The following GFRAL variants were observed in gnomAD, a reference collection of about 807,000 sequenced individuals.
GFRAL encodes the protein GDNF family receptor alpha-like.
A neutral mutation model predicts 45.4 loss-of-function variants in GFRAL; 36 were observed. The observed-to-expected ratio is 0.79, with a 90% CI of 0.61 to 1.05. GFRAL has a LOEUF of 1.05. GFRAL is among the 50% of genes least tolerant of loss of function. GFRAL has a pLI of 0.00. For synonymous variants in GFRAL, 166 were observed against 154.1 expected (o/e 1.08, Z -0.57); for missense variants, 507 against 467.5 (o/e 1.08, Z -0.78).
intron 6 of GFRAL, among the ~76,000 whole-genome samples, chr6:55,368,409 A>G (rs1768397393): frequency 6.6e-6 from 1 of 151,758 alleles, no homozygotes; most frequent in Non-Finnish European, 1.5e-5. Flanking sequence ...AGCTCAGAGT[A>G]ATTTGATCGT....
At chr6:55,380,308 A>G (rs1173188918) in intron 6 of GFRAL, among the ~76,000 whole-genome samples, 1 of 151,984 alleles carries the variant, frequency 6.6e-6, no homozygotes, top group African/African-American at 2.4e-5. Flanking sequence ...TATTAGTAAC[A>G]ATCTTTCCAC....
chr6:55,381,583 G>A (rs1768608350), intron 6 of GFRAL, among the ~76,000 whole-genome samples: 2 of 151,836 alleles, frequency 1.3e-5, no homozygotes, highest in Admixed American at 1.3e-4. Context: ...TTTATATATG[G>A]AGGTGCATGA....
chr6:55,342,860 A>T (rs1431415210), intron 3 of GFRAL, among the ~76,000 whole-genome samples: 7 of 152,182 alleles, frequency 4.6e-5, no homozygotes, highest in African/African-American at 1.4e-4. Flanking sequence ...AAACAAAAAA[A>T]GGCAGGGGTT....
intron 3 of GFRAL, among the ~76,000 whole-genome samples, chr6:55,336,399 A>T (rs554080965): frequency 6.6e-6 from 1 of 152,210 alleles, no homozygotes; most frequent in African/African-American, 2.4e-5. Context: ...TCATTTATTT[A>T]TAACTTCATT....
intron 3 of GFRAL, among the ~76,000 whole-genome samples, chr6:55,336,319 G>T (rs114091067): frequency 0.013 from 1,988 of 152,316 alleles, 23 homozygotes; most frequent in Non-Finnish European, 0.022. Context: ...CATTTTGACT[G>T]AACTTACCTT....
intron 1 of GFRAL, among the ~76,000 whole-genome samples, chr6:55,328,745 AT>A (rs1048508797): frequency 7.2e-5 from 11 of 152,002 alleles, no homozygotes; most frequent in African/African-American, 2.7e-4. Flanking sequence ...ATGGCCTCTT[AT>A]TTTCATCTTT....
intron 4 of GFRAL, among the ~76,000 whole-genome samples, chr6:55,350,557 G>C (rs1050242987): frequency 6.6e-6 from 1 of 151,702 alleles, no homozygotes; most frequent in Admixed American, 6.6e-5. Context: ...AAAACTTAGC[G>C]GGTCATGTAG....
At chr6:55,359,336 C>T (rs1046005989) in intron 6 of GFRAL, among the ~76,000 whole-genome samples, 198 bp downstream of exon 6, 3 of 151,322 alleles carry the variant, frequency 2.0e-5, no homozygotes, top group Non-Finnish European at 4.4e-5. Context: ...GAAAATAGTA[C>T]ATTTTAAAAA....
Position 55,335,737 on chromosome 6 carries a change from C to G in GFRAL, c.316+1793C>G, listed in dbSNP as rs569053967. Among the ~76,000 whole-genome samples the G allele has an allele frequency of 2.6e-5, 4 of 152,182 alleles. No homozygotes were observed. The South Asian group carries it at 8.3e-4, about 32-fold the overall frequency. ...GTCATTTGGCCATATGTTGGTGGCT[C>G]TATTTCTAGACTTTCTATTCTGTTC... On this transcript the variant is annotated intron_variant, in intron 3 of 8. Transcript: ENST00000340465.
At chr6:55,397,744 G>T (rs1768846091) in intron 6 of GFRAL, among the ~76,000 whole-genome samples, 1 of 152,090 alleles carries the variant, frequency 6.6e-6, no homozygotes, top group South Asian at 2.1e-4. Context: ...CCAATAAGCT[G>T]TCTTCTGAAT....
Position 55,399,282 on chromosome 6 carries a change from T to G in GFRAL, c.1048+7T>G. 6.4e-7 allele frequency: 1 copy of G among 1,561,316 alleles called. No homozygotes were observed. The highest frequency in any genetic ancestry group is 8.8e-7 in the Non-Finnish European group (1 of 1,136,824). Reference sequence around the variant, plus strand: ...TTTCATTCCCCCTTCAATGGTCAGTTAAAAATCAATCCTCTATAATATTTA... The same window carrying G: ...TTTCATTCCCCCTTCAATGGTCAGTGAAAAATCAATCCTCTATAATATTTA... On this transcript the variant is annotated splice_region_variant and intron_variant, in intron 7 of 8. Coordinates refer to ENST00000340465, the MANE Select transcript of GFRAL (RefSeq NM_207410.2).
chr6:55,332,264 A>G (rs898100986), intron 2 of GFRAL, among the ~76,000 whole-genome samples: 1 of 152,198 alleles, frequency 6.6e-6, no homozygotes, highest in Admixed American at 6.5e-5. Flanking sequence ...TACAATGTAT[A>G]TTCTTGAAAC....
At position 55,331,781 on chromosome 6, in the gene GFRAL, A is replaced by T; in HGVS notation, c.89A>T (p.Gln30Leu). The T allele has an allele frequency of 6.2e-7, 1 of 1,611,720 alleles. No homozygotes were observed. The highest frequency in any genetic ancestry group is 8.5e-7 in the Non-Finnish European group (1 of 1,178,772). Residue 30 changes from glutamine (Q) to leucine (L), a missense_variant, in exon 2 of 9, where the codon CAA (glutamine) becomes CTA (leucine). Gln to Leu is a moderately radical substitution (Grantham distance 113). Coordinates refer to ENST00000340465, the MANE Select transcript of GFRAL (RefSeq NM_207410.2). ...QTNNCTYLRE[Q>L]CLRDANGCKH... Reference sequence around the variant, plus strand: ...AATAATTGCACATATTTAAGAGAGCAATGCTTACGTGATGCAAATGGATGT... The same window carrying T: ...AATAATTGCACATATTTAAGAGAGCTATGCTTACGTGATGCAAATGGATGT...
At chr6:55,367,458 T>G (rs1191801897) in intron 6 of GFRAL, among the ~76,000 whole-genome samples, 1 of 145,826 alleles carries the variant, frequency 6.9e-6, no homozygotes, top group Non-Finnish European at 1.5e-5. Flanking sequence ...GTTAATATTG[T>G]TATGTGTGAA....
At chr6:55,338,849 T>G (rs1455455418) in intron 3 of GFRAL, among the ~76,000 whole-genome samples, 1 of 152,194 alleles carries the variant, frequency 6.6e-6, no homozygotes, top group Non-Finnish European at 1.5e-5. Context: ...AGGCTGAACT[T>G]ACATATCTTT....
Position 55,351,583 on chromosome 6 carries a change from G to A in GFRAL, c.701G>A (p.Arg234Lys). 6.3e-7 allele frequency: 1 copy of A among 1,593,464 alleles called. No individual in the cohort carries two copies. Among genetic ancestry groups the A allele is most frequent in the Non-Finnish European group, 8.6e-7 (1 of 1,164,494 alleles). ...IRSCQNDELC[R>K]RHYRTFQSKC... ...AGCTGCCAAAATGATGAATTATGCA[G>A]GTGGGTAAAAACACTCATACCTTAC... Residue 234 changes from arginine (R) to lysine (K), a missense_variant and splice_region_variant, in exon 5 of 9, where the codon AGG (arginine) becomes AAG (lysine). Physicochemically the swap from Arg to Lys is conservative, Grantham distance 26. Transcript: ENST00000340465.
chr6:55,350,085 CT>C lies in GFRAL; in HGVS notation c.317-5del. 6.7e-7 allele frequency: 1 copy of C among 1,487,492 alleles called. No homozygotes were observed. Among genetic ancestry groups the C allele is most frequent in the Non-Finnish European group, 9.4e-7 (1 of 1,068,046 alleles). 92.1% of individuals were successfully genotyped at this position (1,487,492 alleles called of 1,614,324 possible). A position where few individuals can be genotyped will look rare whatever the true frequency, so the allele number is the denominator to read the frequency against. The stretch of plus-strand genomic sequence containing the variant: ...ATAATGAAATAATTTCTTTGTTTTC[CT>C]TCTAGATAACGTGAAAGAGGATAAA... On this transcript the variant is annotated splice_region_variant and splice_polypyrimidine_tract_variant and intron_variant, in intron 3 of 8. Transcript: ENST00000340465.
rs1049837685 is a variant in GFRAL, at chr6:55,358,791, A to G, written c.702-97A>G. Reference sequence around the variant, plus strand: ...AACTATGTACTGGCATCTCGAAGGCATTGTGTTCTATGTCTTTCATTAGGT... The same window carrying G: ...AACTATGTACTGGCATCTCGAAGGCGTTGTGTTCTATGTCTTTCATTAGGT... On this transcript the variant is annotated intron_variant, in intron 5 of 8. Transcript: ENST00000340465. The G allele has an allele frequency of 5.2e-6, 6 of 1,143,180 alleles. No individual in the cohort carries two copies. In the South Asian group the frequency reaches 7.4e-5, roughly 14 times the overall value. 70.8% of individuals were successfully genotyped at this position (1,143,180 alleles called of 1,614,324 possible). A position where few individuals can be genotyped will look rare whatever the true frequency, so the allele number is the denominator to read the frequency against.
At chr6:55,382,746 A>T (rs1412874732) in intron 6 of GFRAL, among the ~76,000 whole-genome samples, 1 of 152,002 alleles carries the variant, frequency 6.6e-6, no homozygotes, top group African/African-American at 2.4e-5. Flanking sequence ...ATCATTTACA[A>T]GATAAGTAAC....
Sources: gnomAD v4.1 joint callset for allele counts (sites outside exome capture counted in the v4.1 genomes callset) on GRCh38, gnomAD v4.1.1 for gene constraint, MANE v1.5 for transcripts, NCBI Gene and HGNC (gene_info 2026-07-23, HGNC 2026-07-21) for gene names.